The following PTPRK variants were observed in gnomAD, a reference collection of about 807,000 sequenced individuals.
PTPRK encodes the protein protein tyrosine phosphatase receptor type K.
A neutral mutation model predicts 178.0 loss-of-function variants in PTPRK; 75 were observed. The ratio of observed to expected loss-of-function variants is 0.42; its 90% CI spans 0.35 to 0.51. The LOEUF is 0.51. Ranked by LOEUF, PTPRK falls within the 20% of genes least tolerant of loss-of-function variation. PTPRK has a pLI of 0.02. For missense variants in PTPRK, 1,441 were observed against 1,797.8 expected, an observed-to-expected ratio of 0.80 and a Z score of 3.59; for synonymous variants, 637 against 620.6, an observed-to-expected ratio of 1.03 and a Z score of -0.39.
At chr6:128,299,910 G>C (rs1825266562) in intron 3 of PTPRK, among the ~76,000 whole-genome samples, 1 of 152,196 alleles carries the variant, frequency 6.6e-6, no homozygotes, top group African/African-American at 2.4e-5. Context: ...CACAGCAAAA[G>C]AAACTACCAT....
chr6:128,190,244 T>C (rs1374764232), intron 6 of PTPRK, among the ~76,000 whole-genome samples: 1 of 152,166 alleles, frequency 6.6e-6, no homozygotes, highest in African/African-American at 2.4e-5. Flanking sequence ...AATTCTTTCA[T>C]GATTTCACAC....
At chr6:127,985,107 G>A (rs1775792703) in intron 22 of PTPRK, among the ~76,000 whole-genome samples, 1 of 152,128 alleles carries the variant, frequency 6.6e-6, no homozygotes, top group Non-Finnish European at 1.5e-5. Flanking sequence ...ACCTCAAAAT[G>A]AGGCCATGTA....
intron 3 of PTPRK, among the ~76,000 whole-genome samples, chr6:128,312,433 G>A (rs1239347123): frequency 6.6e-6 from 1 of 152,150 alleles, no homozygotes; most frequent in Non-Finnish European, 1.5e-5. Context: ...AAACAGGAAG[G>A]AAGGAGAAGG....
chr6:128,166,593 C>A (rs1799438700), intron 7 of PTPRK, among the ~76,000 whole-genome samples: 1 of 151,654 alleles, frequency 6.6e-6, no homozygotes, highest in Admixed American at 6.6e-5. Flanking sequence ...GTAATTGATA[C>A]AGATTTTGCT....
intron 1 of PTPRK, among the ~76,000 whole-genome samples, chr6:128,497,775 G>T (rs1854923026): frequency 7.0e-6 from 1 of 141,848 alleles, no homozygotes; most frequent in African/African-American, 2.6e-5. Context: ...CTATCAAAAA[G>T]GTTGTTTTTT....
intron 3 of PTPRK, among the ~76,000 whole-genome samples, chr6:128,245,010 G>A (rs1461733621): frequency 6.6e-6 from 1 of 152,126 alleles, no homozygotes; most frequent in African/African-American, 2.4e-5. Context: ...GATTGACTGG[G>A]CTGATAATAA....
chr6:128,452,335 G>A (rs1031272782), intron 1 of PTPRK, among the ~76,000 whole-genome samples: 1 of 152,086 alleles, frequency 6.6e-6, no homozygotes, highest in South Asian at 2.1e-4. Context: ...AGTGCATTTG[G>A]TACTTTTTCC....
At chr6:127,981,407 G>A (rs1775326420) in intron 24 of PTPRK, 118 bp from the exon 25 acceptor site, 3 of 855,520 alleles carry the variant, frequency 3.5e-6, no homozygotes, top group Non-Finnish European at 5.3e-6. Context: ...CGAGGCAATG[G>A]CATTTGCTAC....
chr6:127,981,360 G>A, intron 24 of PTPRK, 71 bp from the exon 25 acceptor site: 2 of 1,328,458 alleles, frequency 1.5e-6, no homozygotes, highest in East Asian at 4.9e-5. Flanking sequence ...GATCCATCAG[G>A]AATTTAGAAG....
chr6:128,351,739 T>C (rs1833166757), intron 2 of PTPRK, among the ~76,000 whole-genome samples: 2 of 152,130 alleles, frequency 1.3e-5, no homozygotes, highest in Admixed American at 6.5e-5. Context: ...CTAAATATCA[T>C]AGTCAAAATG....
chr6:128,093,364 T>C (rs1042165114), intron 7 of PTPRK, among the ~76,000 whole-genome samples: 8 of 151,174 alleles, frequency 5.3e-5, no homozygotes, highest in Non-Finnish European at 2.9e-5. Context: ...GAGGCCATGG[T>C]GGGCAGATGG....
intron 7 of PTPRK, among the ~76,000 whole-genome samples, chr6:128,108,499 T>G (rs1790106999): frequency 2.6e-5 from 4 of 152,150 alleles, no homozygotes; most frequent in African/African-American, 9.7e-5. Flanking sequence ...ACTAACTTAC[T>G]GATAGGGGAT....
At chr6:128,294,961 A>T (rs1824046565) in intron 3 of PTPRK, among the ~76,000 whole-genome samples, 1 of 152,082 alleles carries the variant, frequency 6.6e-6, no homozygotes, top group Non-Finnish European at 1.5e-5. Context: ...TAAGAAAGAC[A>T]TATGGTTAGA....
chr6:128,505,650 C>CA (rs1268966087), intron 1 of PTPRK, among the ~76,000 whole-genome samples: 4 of 152,064 alleles, frequency 2.6e-5, no homozygotes, highest in African/African-American at 9.7e-5. Context: ...ACAGGGATTT[C>CA]TAACATCTGG....
intron 13 of PTPRK, among the ~76,000 whole-genome samples, chr6:128,052,055 C>G (rs1285008374): frequency 6.6e-6 from 1 of 152,030 alleles, no homozygotes; most frequent in Non-Finnish European, 1.5e-5. Context: ...TCCTCCATAT[C>G]CTTATTTCTT....
In PTPRK at chr6:128,184,427, C is replaced by G. The variant is rs765179874; in HGVS notation, c.1162+5G>C. The G allele has an allele frequency of 6.8e-6, 11 of 1,612,788 alleles. No homozygotes were observed. The highest frequency in any genetic ancestry group is 9.3e-6 in the Non-Finnish European group (11 of 1,179,328). ...AGGTAGAAAAGGTCTGCTACTCAGT[C>G]TTACCTGCACATTTTGTTCTGGTGA... On this transcript the variant is annotated splice_donor_5th_base_variant and intron_variant, in intron 7 of 29. Transcript: ENST00000368226.
chr6:128,055,674 A>T (rs941645249), intron 13 of PTPRK, among the ~76,000 whole-genome samples: 1 of 152,184 alleles, frequency 6.6e-6, no homozygotes, highest in African/African-American at 2.4e-5. Context: ...ATCATGGCTT[A>T]CTGCTGCCTC....
intron 3 of PTPRK, among the ~76,000 whole-genome samples, chr6:128,300,954 T>C (rs962006682): frequency 1.3e-5 from 2 of 152,032 alleles, no homozygotes; most frequent in Non-Finnish European, 2.9e-5. Context: ...CTATCTTCTT[T>C]CCCATAACTG....
intron 28 of PTPRK, 75 bp from the exon 29 acceptor site, chr6:127,973,232 G>A: frequency 6.3e-7 from 1 of 1,576,396 alleles, no homozygotes; most frequent in Non-Finnish European, 8.6e-7. Context: ...ATATATGTTT[G>A]GGAAAATAAG....
Sources: gnomAD v4.1 joint callset for allele counts (sites outside exome capture counted in the v4.1 genomes callset) on GRCh38, gnomAD v4.1.1 for gene constraint, MANE v1.5 for transcripts, NCBI Gene and HGNC (gene_info 2026-07-23, HGNC 2026-07-21) for gene names.